THEM4: variants seen among roughly 807,000 people sequenced by gnomAD.
THEM4 encodes thioesterase superfamily member 4.
THEM4 carries 22 observed loss-of-function variants against 25.0 expected under a neutral mutation model. That is an observed-to-expected ratio of 0.88 (90% CI 0.63 to 1.26). The LOEUF is 1.26. Among genes scored for constraint, THEM4 ranks in the 50% most tolerant of loss-of-function variants. The pLI, the probability that THEM4 is intolerant of heterozygous loss-of-function variation, is 0.00. For missense variants in THEM4, 286 were observed against 300.3 expected (o/e 0.95, Z 0.35); for synonymous variants, 113 against 105.6 (o/e 1.07, Z -0.43).
intron 5 of THEM4, among the ~76,000 whole-genome samples, chr1:151,875,572 A>G (rs1653654155): frequency 6.6e-6 from 1 of 152,236 alleles, no homozygotes; most frequent in Non-Finnish European, 1.5e-5. Flanking sequence ...GAACATCTAT[A>G]AATCAGTAAG....
chr1:151,875,782 A>C (rs1048435109), intron 5 of THEM4, among the ~76,000 whole-genome samples: 1 of 152,198 alleles, frequency 6.6e-6, no homozygotes, highest in African/African-American at 2.4e-5. Flanking sequence ...TTGCTAGAGA[A>C]GATGGGAATC....
intron 2 of THEM4, chr1:151,890,762 C>T (rs1246735684): frequency 6.6e-6 from 1 of 152,202 alleles, no homozygotes; most frequent in Admixed American, 6.5e-5. Flanking sequence ...GTGGAAAGAA[C>T]CTTGGCCCGT....
chr1:151,882,532 G>A (rs1372417602), intron 4 of THEM4, among the ~76,000 whole-genome samples: 1 of 152,216 alleles, frequency 6.6e-6, no homozygotes, highest in Non-Finnish European at 1.5e-5. Context: ...TGCTAAAGCT[G>A]TATGGCTATT....
At chr1:151,894,177 A>G (rs1654163439) in intron 2 of THEM4, among the ~76,000 whole-genome samples, 1 of 152,180 alleles carries the variant, frequency 6.6e-6, no homozygotes, top group East Asian at 1.9e-4. Context: ...GGCCTTCTTA[A>G]AAGTCAGTTA....
chr1:151,899,486 A>AC (rs921368121), intron 1 of THEM4, among the ~76,000 whole-genome samples: 4 of 151,392 alleles, frequency 2.6e-5, no homozygotes, highest in African/African-American at 9.7e-5. Flanking sequence ...GTGAGTCAAA[A>AC]AAAAAAAAAA....
chr1:151,908,875 T>C (rs1200463343), intron 1 of THEM4, among the ~76,000 whole-genome samples: 2 of 152,216 alleles, frequency 1.3e-5, no homozygotes, highest in African/African-American at 2.4e-5. Context: ...TTCTTCTGCC[T>C]GTCTGTGTAG....
chr1:151,901,329 C>T (rs539892319), intron 1 of THEM4, among the ~76,000 whole-genome samples: 61 of 152,180 alleles, frequency 4.0e-4, no homozygotes, highest in Non-Finnish European at 6.6e-4. Context: ...TTAAACTATA[C>T]CTTGGAACAA....
intron 4 of THEM4, among the ~76,000 whole-genome samples, chr1:151,884,889 A>G (rs879630780): frequency 4.0e-5 from 6 of 151,668 alleles, no homozygotes; most frequent in Admixed American, 2.6e-4. Flanking sequence ...GGGTTTCACC[A>G]TGTTGGTCAG....
At chr1:151,906,167 G>A (rs369575458) in intron 1 of THEM4, among the ~76,000 whole-genome samples, 8 of 152,248 alleles carry the variant, frequency 5.3e-5, no homozygotes, top group African/African-American at 1.4e-4. Flanking sequence ...AGGGCTGCGC[G>A]GGGTGCTTGT....
At chr1:151,879,608 T>C (rs1452381450) in intron 4 of THEM4, among the ~76,000 whole-genome samples, 4 of 152,024 alleles carry the variant, frequency 2.6e-5, no homozygotes, top group Non-Finnish European at 5.9e-5. Flanking sequence ...TAAACCATAC[T>C]TGTTATCTTG....
chr1:151,908,932 T>C (rs988666492), intron 1 of THEM4, among the ~76,000 whole-genome samples: 1 of 152,170 alleles, frequency 6.6e-6, no homozygotes, highest in Non-Finnish European at 1.5e-5. Context: ...CTCTAATTAA[T>C]TGACCTAAAG....
Position 151,909,441 on chromosome 1 carries a change from G to C in THEM4, c.18C>G (p.Ala6=). The C allele has an allele frequency of 6.9e-7, 1 of 1,452,494 alleles. No individual in the cohort carries two copies. Among genetic ancestry groups the C allele is most frequent in the East Asian group, 2.9e-5 (1 of 34,752 alleles). The allele number at this position is 1,452,494 out of a possible 1,614,324, so 90.0% of individuals were successfully genotyped here. MLRSC[A]ARLRTLGALC... Reference sequence around the variant, plus strand: ...GAGCCCCCAGCGTGCGGAGGCGCGCGGCGCAGCTCCTCAGCATGGCTCCGG... The same window carrying C: ...GAGCCCCCAGCGTGCGGAGGCGCGCCGCGCAGCTCCTCAGCATGGCTCCGG... The change falls in exon 1 of 6, where the codon GCC becomes GCG. Residue 6 remains alanine (A), a synonymous_variant. Transcript: ENST00000368814.
At position 151,872,645 on chromosome 1, in the gene THEM4, G is replaced by T. The variant is rs1653578755; in HGVS notation, c.*2243C>A. On this transcript the variant is annotated 3_prime_UTR_variant, in exon 6 of 6. Transcript: ENST00000368814. ...TCTGTAACTTTAGCCCCAACCCTGT[G>T]CTTACAGAAACATGTGCTGTATGGA... Among the ~76,000 whole-genome samples, 1 of 152,154 alleles carries T rather than the reference G, an allele frequency of 6.6e-6. No homozygotes were observed. The highest frequency in any genetic ancestry group is 2.4e-5 in the African/African-American group (1 of 41,444).
intron 4 of THEM4, among the ~76,000 whole-genome samples, chr1:151,887,910 A>C (rs1242167991): frequency 6.6e-6 from 1 of 152,076 alleles, no homozygotes; most frequent in Non-Finnish European, 1.5e-5. Context: ...AAACACAGAG[A>C]CCCTTAGAAG....
intron 4 of THEM4, among the ~76,000 whole-genome samples, chr1:151,884,414 C>T (rs866039130): frequency 1.3e-5 from 2 of 152,306 alleles, no homozygotes; most frequent in African/African-American, 4.8e-5. Context: ...TTACATCAGT[C>T]AGGTATCAAA....
At chr1:151,886,773 ATT>A (rs1428907000) in intron 4 of THEM4, among the ~76,000 whole-genome samples, 1 of 152,216 alleles carries the variant, frequency 6.6e-6, no homozygotes, top group Non-Finnish European at 1.5e-5. Context: ...AATAAAGGCT[ATT>A]TATGAAAACC....
In THEM4 at chr1:151,889,207, T is replaced by C. The variant is rs755737649; in HGVS notation, c.446+7A>G. On this transcript the variant is annotated splice_region_variant and intron_variant, in intron 3 of 5. Coordinates refer to ENST00000368814, the MANE Select transcript of THEM4 (RefSeq NM_053055.5). ...TTAGATCCACACTTTCAGGCTATCATTCTTACCCAGGTGGTCCTTCCAGGT... is the reference window on the plus strand; with the variant it reads ...TTAGATCCACACTTTCAGGCTATCACTCTTACCCAGGTGGTCCTTCCAGGT... 2.5e-6 allele frequency: 4 copies of C among 1,611,836 alleles called. No homozygotes were observed. In the South Asian group the frequency reaches 4.4e-5, roughly 18 times the overall value.
intron 1 of THEM4, among the ~76,000 whole-genome samples, chr1:151,907,458 TTTCACGCCACTATGC>T (rs1420092869): frequency 7.9e-5 from 12 of 152,338 alleles, no homozygotes; most frequent in Admixed American, 3.3e-4. Context: ...GTATCCTTGC[TTTCACGCCACTATGC>T]TTCACGCCAC....
chr1:151,909,489 A>T lies in THEM4; in HGVS notation c.-31T>A. 1 of 1,347,462 alleles carries T rather than the reference A, an allele frequency of 7.4e-7. No homozygotes were observed. Among genetic ancestry groups the T allele is most frequent in the Non-Finnish European group, 9.5e-7 (1 of 1,054,110 alleles). The allele number at this position is 1,347,462 out of a possible 1,614,324, so 83.5% of individuals were successfully genotyped here. On this transcript the variant is annotated 5_prime_UTR_variant, in exon 1 of 6. Transcript: ENST00000368814. The stretch of plus-strand genomic sequence containing the variant: ...CGGGCCGCGGGGCCGCGCTTGCTCT[A>T]GCCCTGGACGGCGCACTCTACCTCC...
Sources: gnomAD v4.1 joint callset for allele counts (sites outside exome capture counted in the v4.1 genomes callset) on GRCh38, gnomAD v4.1.1 for gene constraint, MANE v1.5 for transcripts, NCBI Gene and HGNC (gene_info 2026-07-23, HGNC 2026-07-21) for gene names.